SOAT1: variants seen among roughly 807,000 people sequenced by gnomAD.
SOAT1 encodes the protein acyl-coenzyme A:cholesterol acyltransferase 1.
SOAT1 carries 55 observed loss-of-function variants against 69.5 expected under a neutral mutation model. That is an observed-to-expected ratio of 0.79 (90% CI 0.64 to 0.99). The LOEUF is 0.99. Ranked by LOEUF, SOAT1 falls within the 50% of genes least tolerant of loss-of-function variation. The pLI, the probability that SOAT1 is intolerant of heterozygous loss-of-function variation, is 0.00. For synonymous variants in SOAT1, 231 were observed against 224.7 expected (o/e 1.03, Z -0.25); for missense variants, 580 against 669.3 (o/e 0.87, Z 1.47).
intron 3 of SOAT1, among the ~76,000 whole-genome samples, chr1:179,328,684 G>T (rs1384845331): frequency 6.6e-6 from 1 of 151,872 alleles, no homozygotes; most frequent in Non-Finnish European, 1.5e-5. Context: ...TTTATAGAGG[G>T]AATGTTAGGT....
chr1:179,326,153 GA>G (rs1665783095), intron 3 of SOAT1, among the ~76,000 whole-genome samples: 1 of 152,162 alleles, frequency 6.6e-6, no homozygotes, highest in Non-Finnish European at 1.5e-5. Flanking sequence ...ACAATGGCAA[GA>G]AAAAGTTGAA....
chr1:179,307,117 CTGTT>C (rs1388412967), intron 2 of SOAT1, among the ~76,000 whole-genome samples: 3 of 152,192 alleles, frequency 2.0e-5, no homozygotes, highest in African/African-American at 7.2e-5. Flanking sequence ...AGTGAAAACA[CTGTT>C]TGCCAAAACA....
intron 11 of SOAT1, among the ~76,000 whole-genome samples, chr1:179,347,312 C>T (rs149824358): frequency 0.11 from 16,455 of 148,658 alleles, 1,016 homozygotes; most frequent in African/African-American, 0.14. Flanking sequence ...GAGCCGAGAT[C>T]GCGCCACTGC....
Position 179,302,743 on chromosome 1 carries a change from C to T in SOAT1, c.59C>T (p.Pro20Leu), listed in dbSNP as rs756696042. 1.7e-5 allele frequency: 28 copies of T among 1,610,854 alleles called. No individual in the cohort carries two copies. The highest frequency in any genetic ancestry group is 2.5e-6 in the Non-Finnish European group (3 of 1,179,224). Reference protein sequence around the residue: ...RNRLSKSRENPEEDEDQRNPA... With the variant: ...RNRLSKSRENLEEDEDQRNPA... ...CGGCTGTCAAAGTCCAGGGAAAATC[C>T]TGAGGAAGATGAAGACCAGAGAAAC... Residue 20 changes from proline (P) to leucine (L), a missense_variant, in exon 2 of 16, where the codon CCT (proline) becomes CTT (leucine). By Grantham distance (98) the Pro-to-Leu change is moderately conservative. Coordinates refer to ENST00000367619, the MANE Select transcript of SOAT1 (RefSeq NM_003101.6).
At chr1:179,325,538 AT>A (rs1291023797) in intron 3 of SOAT1, among the ~76,000 whole-genome samples, 3 of 152,042 alleles carry the variant, frequency 2.0e-5, no homozygotes, top group Non-Finnish European at 4.4e-5. Context: ...CATTTTTGTT[AT>A]TCCTTTTTCA....
intron 13 of SOAT1, among the ~76,000 whole-genome samples, chr1:179,349,997 C>T (rs1666668179): frequency 1.3e-5 from 2 of 152,130 alleles, no homozygotes; most frequent in Admixed American, 6.5e-5. Flanking sequence ...ACTCTAAAGA[C>T]TGAAATTCAA....
At chr1:179,319,484 G>A (rs1210141249) in intron 2 of SOAT1, among the ~76,000 whole-genome samples, 1 of 151,958 alleles carries the variant, frequency 6.6e-6, no homozygotes, top group Non-Finnish European at 1.5e-5. Flanking sequence ...CGGTCAGGCT[G>A]GTCTCGAACT....
At chr1:179,318,194 C>CA (rs1209069147) in intron 2 of SOAT1, among the ~76,000 whole-genome samples, 1 of 146,686 alleles carries the variant, frequency 6.8e-6, no homozygotes, top group Non-Finnish European at 1.5e-5. Context: ...GATCCTGTCT[C>CA]AAAAAAAGCC....
chr1:179,339,379 A>G (rs1327052233), intron 5 of SOAT1, 59 bp from the exon 6 acceptor site: 1 of 1,154,344 alleles, frequency 8.7e-7, no homozygotes, highest in African/African-American at 1.6e-5. Flanking sequence ...AAAAGATTTT[A>G]TGGTGTTTTA....
At chr1:179,314,547 C>T (rs1665328563) in intron 2 of SOAT1, among the ~76,000 whole-genome samples, 1 of 152,118 alleles carries the variant, frequency 6.6e-6, no homozygotes, top group South Asian at 2.1e-4. Context: ...CAATGGATCT[C>T]TCTTACTTGT....
chr1:179,297,186 TGA>T (rs1397739991), intron 1 of SOAT1, among the ~76,000 whole-genome samples: 1 of 152,244 alleles, frequency 6.6e-6, no homozygotes, highest in Non-Finnish European at 1.5e-5. Flanking sequence ...CTAGACCTCT[TGA>T]GAGACTAGTC....
chr1:179,314,695 G>A (rs1446502870), intron 2 of SOAT1, among the ~76,000 whole-genome samples: 1 of 152,034 alleles, frequency 6.6e-6, no homozygotes, highest in Non-Finnish European at 1.5e-5. Flanking sequence ...CAAAGTGCTG[G>A]GATGATAATA....
At chr1:179,315,282 A>C (rs1226775433) in intron 2 of SOAT1, among the ~76,000 whole-genome samples, 1 of 152,046 alleles carries the variant, frequency 6.6e-6, no homozygotes, top group African/African-American at 2.4e-5. Context: ...CTGCCTTTAC[A>C]AAAAAATTTT....
chr1:179,307,792 CTTT>C (rs374097712), intron 2 of SOAT1, among the ~76,000 whole-genome samples: 7 of 140,378 alleles, frequency 5.0e-5, no homozygotes, highest in African/African-American at 2.6e-5. Flanking sequence ...AAGGTATTAT[CTTT>C]TTTTTTTTTT....
At chr1:179,336,244 C>G (rs967622181) in intron 4 of SOAT1, among the ~76,000 whole-genome samples, 2 of 151,510 alleles carry the variant, frequency 1.3e-5, no homozygotes, top group African/African-American at 4.9e-5. Flanking sequence ...GGGTGGATCA[C>G]TTGAGGTCAG....
intron 2 of SOAT1, 78 bp from the exon 3 acceptor site, chr1:179,323,359 T>C (rs1482919261): frequency 8.1e-7 from 1 of 1,241,298 alleles, no homozygotes; most frequent in African/African-American, 1.5e-5. Flanking sequence ...TTTGTTTGTT[T>C]TCAACTTTAT....
intron 5 of SOAT1, 126 bp from the exon 6 acceptor site, chr1:179,339,312 T>C (rs1666253970): frequency 7.8e-6 from 4 of 509,672 alleles, no homozygotes; most frequent in Non-Finnish European, 1.3e-5. Flanking sequence ...TTTTTTGAGA[T>C]GTTTTTGGAG....
At chr1:179,341,382 A>C in intron 7 of SOAT1, 72 bp downstream of exon 7, 4 of 1,382,766 alleles carry the variant, frequency 2.9e-6, no homozygotes, top group Non-Finnish European at 4.0e-6. Flanking sequence ...TGACATACTG[A>C]TACTATTATT....
chr1:179,346,093 T>C (rs1262602632), intron 11 of SOAT1, among the ~76,000 whole-genome samples: 2 of 152,176 alleles, frequency 1.3e-5, no homozygotes, highest in Admixed American at 1.3e-4. Flanking sequence ...GTCATCACCT[T>C]CCCTTTCTTT....
Sources: gnomAD v4.1 joint callset for allele counts (sites outside exome capture counted in the v4.1 genomes callset) on GRCh38, gnomAD v4.1.1 for gene constraint, MANE v1.5 for transcripts, NCBI Gene and HGNC (gene_info 2026-07-23, HGNC 2026-07-21) for gene names.